PRKG1: variants seen among roughly 807,000 people sequenced by gnomAD.
PRKG1 encodes cGMP-dependent protein kinase 1.
In PRKG1, 35 loss-of-function variants were observed where a neutral mutation model predicts 88.1. The ratio of observed to expected loss-of-function variants is 0.40; its 90% CI spans 0.30 to 0.53. PRKG1 has a LOEUF of 0.53. Ranked by LOEUF, PRKG1 falls within the 20% of genes least tolerant of loss-of-function variation. PRKG1 has a pLI of 0.59. For synonymous variants in PRKG1, 303 were observed against 292.5 expected (o/e 1.04, Z -0.37); for missense variants, 540 against 839.8 (o/e 0.64, Z 4.41).
At chr10:52,179,697 G>A (rs897155961) in intron 9 of PRKG1, among the ~76,000 whole-genome samples, 1 of 152,036 alleles carries the variant, frequency 6.6e-6, no homozygotes, top group African/African-American at 2.4e-5. Flanking sequence ...TGCTGCTGTT[G>A]TTTTTGTTTG....
intron 8 of PRKG1, among the ~76,000 whole-genome samples, chr10:52,151,897 A>C (rs1837937581): frequency 6.6e-6 from 1 of 152,158 alleles, no homozygotes; most frequent in African/African-American, 2.4e-5. Flanking sequence ...TGCAATTGGG[A>C]TTCATGGATA....
intron 9 of PRKG1, among the ~76,000 whole-genome samples, chr10:52,247,635 G>T (rs1564531398): frequency 6.6e-6 from 1 of 152,168 alleles, no homozygotes. Context: ...GCAAGAAACA[G>T]TTAAATATCC....
intron 2 of PRKG1, among the ~76,000 whole-genome samples, chr10:51,373,492 T>C (rs1042552462): frequency 3.3e-5 from 5 of 152,190 alleles, no homozygotes; most frequent in African/African-American, 1.2e-4. Context: ...GTTTGTTACA[T>C]AGATAAACGT....
intron 7 of PRKG1, among the ~76,000 whole-genome samples, chr10:52,101,152 G>GA (rs944211933): frequency 7.3e-5 from 11 of 151,536 alleles, no homozygotes; most frequent in South Asian, 2.1e-4. Flanking sequence ...TAATACTTCT[G>GA]AAAAAAAATC....
intron 3 of PRKG1, among the ~76,000 whole-genome samples, chr10:51,753,842 C>T (rs1358516472): frequency 1.3e-5 from 2 of 152,106 alleles, no homozygotes; most frequent in African/African-American, 4.8e-5. Flanking sequence ...TGAGTTGCTA[C>T]CAAAACTTGG....
At chr10:52,267,971 G>A (rs1159016383) in intron 10 of PRKG1, among the ~76,000 whole-genome samples, 1 of 152,042 alleles carries the variant, frequency 6.6e-6, no homozygotes, top group East Asian at 1.9e-4. Context: ...TATGTTACTT[G>A]GGCTTTATGG....
intron 1 of PRKG1, among the ~76,000 whole-genome samples, chr10:51,104,700 T>TTATG (rs1390993793): frequency 8.2e-6 from 1 of 122,108 alleles, no homozygotes; most frequent in East Asian, 2.1e-4. Context: ...TATTTTTATT[T>TTATG]TATTTATTTA....
intron 1 of PRKG1, among the ~76,000 whole-genome samples, chr10:51,097,298 C>T (rs896348411): frequency 3.9e-5 from 6 of 152,180 alleles, no homozygotes; most frequent in African/African-American, 1.4e-4. Context: ...TCTCAGCTCA[C>T]TGCAACTTCC....
At chr10:51,602,685 G>A (rs774341813) in intron 3 of PRKG1, among the ~76,000 whole-genome samples, 4 of 150,384 alleles carry the variant, frequency 2.7e-5, no homozygotes, top group Non-Finnish European at 4.4e-5. Flanking sequence ...AAAGTGCTAG[G>A]ATTGGAGACA....
At chr10:52,130,510 T>C (rs1027123654) in intron 7 of PRKG1, among the ~76,000 whole-genome samples, 2 of 152,224 alleles carry the variant, frequency 1.3e-5, no homozygotes, top group African/African-American at 4.8e-5. Flanking sequence ...TATTATATTT[T>C]TAAAGGATGT....
intron 3 of PRKG1, among the ~76,000 whole-genome samples, chr10:51,628,168 A>C (rs574195767): frequency 0.01 from 375 of 37,472 alleles, 1 homozygote; most frequent in Middle Eastern, 0.029. Flanking sequence ...TTCTTTATTT[A>C]TTTCTTTTCT....
intron 9 of PRKG1, among the ~76,000 whole-genome samples, chr10:52,193,563 C>CAAAAAA (rs67349420): frequency 1.7e-5 from 2 of 118,524 alleles, no homozygotes; most frequent in African/African-American, 6.7e-5. Flanking sequence ...AAAAAAAAAA[C>CAAAAAA]AAAAAAAAAA....
chr10:52,233,326 C>T (rs1840574905), intron 9 of PRKG1, among the ~76,000 whole-genome samples: 1 of 151,684 alleles, frequency 6.6e-6, no homozygotes, highest in Non-Finnish European at 1.5e-5. Flanking sequence ...AAAGAATTGT[C>T]ATAATAGCTC....
At chr10:51,811,073 C>G (rs1042177916) in intron 4 of PRKG1, among the ~76,000 whole-genome samples, 23 of 151,988 alleles carry the variant, frequency 1.5e-4, no homozygotes, top group African/African-American at 5.6e-4. Context: ...AAGCTCATAC[C>G]CAGTAAAAAA....
intron 7 of PRKG1, among the ~76,000 whole-genome samples, chr10:52,126,318 A>G (rs1564480220): frequency 6.6e-6 from 1 of 152,182 alleles, no homozygotes; most frequent in African/African-American, 2.4e-5. Flanking sequence ...TATTATTATT[A>G]TATTCATGGG....
chr10:52,115,634 G>A (rs1334942329), intron 7 of PRKG1, among the ~76,000 whole-genome samples: 1 of 151,986 alleles, frequency 6.6e-6, no homozygotes, highest in Non-Finnish European at 1.5e-5. Flanking sequence ...GTCAGGGTTG[G>A]GATATTCCCA....
chr10:50,996,359 ATATGAAC>A (rs1375172187), intron 1 of PRKG1, among the ~76,000 whole-genome samples: 1 of 152,202 alleles, frequency 6.6e-6, no homozygotes, highest in Non-Finnish European at 1.5e-5. Flanking sequence ...CCACTATACT[ATATGAAC>A]TTGGAATAGG....
rs78164686 is a variant in PRKG1, at chr10:52,124,689, T to A, written c.936-9151T>A. Among the ~76,000 whole-genome samples, 8 of 152,172 alleles carry A rather than the reference T, an allele frequency of 5.3e-5. No homozygotes were observed. The East Asian group carries it at 1.5e-3, about 29-fold the overall frequency. Reference sequence around the variant, plus strand: ...GTAATTTTTTACTTTATAAACTTTTTAATTTCTTTTCTAATAATTTCTAAA... The same window carrying A: ...GTAATTTTTTACTTTATAAACTTTTAAATTTCTTTTCTAATAATTTCTAAA... On this transcript the variant is annotated intron_variant, in intron 7 of 17. Coordinates refer to ENST00000373980, the MANE Select transcript of PRKG1 (RefSeq NM_006258.4).
chr10:52,158,520 T>C (rs1321784447), intron 8 of PRKG1, among the ~76,000 whole-genome samples: 2 of 151,624 alleles, frequency 1.3e-5, no homozygotes, highest in Non-Finnish European at 3.0e-5. Flanking sequence ...TATAACACCA[T>C]CAATTATGCT....
Sources: allele counts gnomAD v4.1 joint callset (sites outside exome capture counted in the v4.1 genomes callset), GRCh38; gene constraint gnomAD v4.1.1; transcripts MANE v1.5; gene names NCBI Gene and HGNC (gene_info 2026-07-23, HGNC 2026-07-21).